The following WWC2 variants were observed in gnomAD, a reference collection of about 807,000 sequenced individuals.
WWC2 encodes WW and C2 domain containing 2.
In WWC2, 101 loss-of-function variants were observed where a neutral mutation model predicts 138.5. The ratio of observed to expected loss-of-function variants is 0.73; its 90% CI spans 0.62 to 0.86. The LOEUF (loss-of-function observed/expected upper bound fraction) is 0.86. Ranked by LOEUF, WWC2 falls within the 40% of genes least tolerant of loss-of-function variation. The probability of loss-of-function intolerance (pLI) is 0.00; values close to 1 mark genes in which losing one functional copy is unlikely to be tolerated. For synonymous variants in WWC2, 558 were observed against 538.4 expected (o/e 1.04, Z -0.50); for missense variants, 1,420 against 1,419.4 (o/e 1.00, Z -0.01).
chr4:183,288,872 T>G (rs1210203269), intron 20 of WWC2, among the ~76,000 whole-genome samples: 1 of 152,178 alleles, frequency 6.6e-6, no homozygotes, highest in Non-Finnish European at 1.5e-5. Flanking sequence ...CTGACTGTCA[T>G]GGACATGGTA....
intron 1 of WWC2, among the ~76,000 whole-genome samples, chr4:183,165,311 CCTT>C (rs1180575021): frequency 1.3e-5 from 2 of 152,040 alleles, no homozygotes; most frequent in Non-Finnish European, 2.9e-5. Context: ...AGTTGGGAAG[CCTT>C]CTTCTTTCCT....
Position 183,268,063 on chromosome 4 carries a change from A to C in WWC2, c.2208-908A>C, listed in dbSNP as rs183048163. On this transcript the variant is annotated intron_variant, in intron 14 of 22. Coordinates refer to ENST00000403733, the MANE Select transcript of WWC2 (RefSeq NM_024949.6). ...TGGGCTTCAGGCCCACTAGGTTTTC[A>C]TTGCTGAATCTCCATAATTAATATT... Among the ~76,000 whole-genome samples the C allele has an allele frequency of 5.5e-3, 843 of 152,306 alleles. 6 individuals carry two copies. Among genetic ancestry groups the C allele is most frequent in the African/African-American group, 0.02 (819 of 41,562 alleles).
chr4:183,182,553 G>A (rs1580022336), intron 1 of WWC2, among the ~76,000 whole-genome samples: 1 of 152,150 alleles, frequency 6.6e-6, no homozygotes, highest in Admixed American at 6.5e-5. Flanking sequence ...GAGAGAAAAA[G>A]AGGTTCAGGT....
chr4:183,236,297 G>C (rs1394801574), intron 4 of WWC2, among the ~76,000 whole-genome samples: 1 of 152,188 alleles, frequency 6.6e-6, no homozygotes, highest in Admixed American at 6.6e-5. Context: ...TAAATTTAAA[G>C]GAGTTTAATT....
At chr4:183,292,607 T>TA (rs36085370) in intron 21 of WWC2, among the ~76,000 whole-genome samples, 16,536 of 145,596 alleles carry the variant, frequency 0.11, 978 homozygotes, top group Non-Finnish European at 0.13. Context: ...TATAACTCTT[T>TA]AAAAAAAAAA....
rs577982598 is a variant in WWC2 at position 183,218,803 on chromosome 4, G to T, written c.522+9778G>T. Reference sequence around the variant, plus strand: ...GGTCAGTTTTTTTATTCTGATCAGGGCTTCAACTGATTGGATGAGGTATAT... The same window carrying T: ...GGTCAGTTTTTTTATTCTGATCAGGTCTTCAACTGATTGGATGAGGTATAT... On this transcript the variant is annotated intron_variant, in intron 4 of 22. Transcript: ENST00000403733. Among the ~76,000 whole-genome samples, 8 of 152,270 alleles carry T rather than the reference G, an allele frequency of 5.3e-5. No individual in the cohort carries two copies. In the East Asian group the frequency reaches 1.5e-3, roughly 29 times the overall value.
At chr4:183,262,740 C>G (rs77240392) in intron 11 of WWC2, among the ~76,000 whole-genome samples, 1 of 152,292 alleles carries the variant, frequency 6.6e-6, no homozygotes, top group East Asian at 1.9e-4. Context: ...CCGCGTGGGG[C>G]CTTCACCACT....
In WWC2 at chr4:183,279,339, G is replaced by A. The variant is rs569201696; in HGVS notation, c.2563-1437G>A. ...CAGGGATGAAGCCCACTTGATCATG[G>A]TGGATAAGCTTTTTGATGTGCTGCT... On this transcript the variant is annotated intron_variant, in intron 16 of 22. Transcript: ENST00000403733. Among the ~76,000 whole-genome samples the A allele has an allele frequency of 3.7e-3, 564 of 151,958 alleles. 3 individuals are homozygous for A. The highest frequency in any genetic ancestry group is 0.013 in the African/African-American group (546 of 41,340).
intron 8 of WWC2, among the ~76,000 whole-genome samples, chr4:183,252,361 G>GA (rs756918137): frequency 6.6e-6 from 1 of 152,170 alleles, no homozygotes; most frequent in Non-Finnish European, 1.5e-5. Context: ...CGTTATGGTC[G>GA]AAAGAACCAT....
chr4:183,129,392 C>A (rs1221574880), intron 1 of WWC2, among the ~76,000 whole-genome samples: 1 of 152,116 alleles, frequency 6.6e-6, no homozygotes, highest in African/African-American at 2.4e-5. Flanking sequence ...TGGGCGTGGA[C>A]TAGGACTGTC....
At chr4:183,255,378 T>C (rs1737104552) in intron 9 of WWC2, among the ~76,000 whole-genome samples, 1 of 152,188 alleles carries the variant, frequency 6.6e-6, no homozygotes, top group South Asian at 2.1e-4. Flanking sequence ...GTTGTTGTTG[T>C]TGCTGTTGTT....
At chr4:183,231,816 C>T (rs1001029234) in intron 4 of WWC2, among the ~76,000 whole-genome samples, 2 of 152,140 alleles carry the variant, frequency 1.3e-5, no homozygotes, top group Non-Finnish European at 2.9e-5. Context: ...CACCACCACA[C>T]CCAGTTTGGT....
At chr4:183,112,488 A>G (rs945830322) in intron 1 of WWC2, among the ~76,000 whole-genome samples, 2 of 152,128 alleles carry the variant, frequency 1.3e-5, no homozygotes, top group African/African-American at 2.4e-5. Flanking sequence ...AACCTCCATA[A>G]TTTGTCCCCA....
chr4:183,308,200 ACT>A (rs1350297221), intron 21 of WWC2, among the ~76,000 whole-genome samples: 2 of 152,334 alleles, frequency 1.3e-5, no homozygotes, highest in African/African-American at 4.8e-5. Flanking sequence ...AAACTGCATA[ACT>A]CTGATGAAAG....
intron 4 of WWC2, among the ~76,000 whole-genome samples, chr4:183,212,769 C>T (rs908754132): frequency 6.6e-6 from 1 of 152,154 alleles, no homozygotes; most frequent in African/African-American, 2.4e-5. Flanking sequence ...TCATCCCAAT[C>T]AGGGGTAGCA....
In WWC2 at chr4:183,218,212, A is replaced by G. The variant is rs558480113; in HGVS notation, c.522+9187A>G. Among the ~76,000 whole-genome samples, 34 of 152,322 alleles carry G rather than the reference A, an allele frequency of 2.2e-4. 1 individual carries two copies. Among genetic ancestry groups the G allele is most frequent in the Middle Eastern group, 3.4e-3 (1 of 294 alleles). On this transcript the variant is annotated intron_variant, in intron 4 of 22. Coordinates refer to ENST00000403733, the MANE Select transcript of WWC2 (RefSeq NM_024949.6). Reference sequence around the variant, plus strand: ...GTATAAAAATGGGCAAGAGACTTCAATAGACATTTCTGCAAAGATATACAA... The same window carrying G: ...GTATAAAAATGGGCAAGAGACTTCAGTAGACATTTCTGCAAAGATATACAA...
chr4:183,236,509 G>A (rs191308244), intron 4 of WWC2, among the ~76,000 whole-genome samples: 12 of 152,276 alleles, frequency 7.9e-5, no homozygotes, highest in Middle Eastern at 3.4e-3. Flanking sequence ...AACATTCAGC[G>A]GTCTATGAGT....
At chr4:183,195,846 G>A (rs951210846) in intron 2 of WWC2, among the ~76,000 whole-genome samples, 2 of 152,018 alleles carry the variant, frequency 1.3e-5, no homozygotes, top group African/African-American at 4.8e-5. Context: ...CTTGCTGAGG[G>A]CACCCGAGAC....
intron 1 of WWC2, among the ~76,000 whole-genome samples, chr4:183,156,467 G>A (rs980739514): frequency 4.6e-5 from 7 of 152,090 alleles, no homozygotes; most frequent in Admixed American, 1.3e-4. Flanking sequence ...AAGTAGCTGG[G>A]ATTACAGGCA....
Sources: gnomAD v4.1 joint callset for allele counts (sites outside exome capture counted in the v4.1 genomes callset) on GRCh38, gnomAD v4.1.1 for gene constraint, MANE v1.5 for transcripts, NCBI Gene and HGNC (gene_info 2026-07-23, HGNC 2026-07-21) for gene names.